Variants in METTL9 observed in about 807,000 individuals in gnomAD.
The protein encoded by METTL9 is protein-L-histidine N-pros-methyltransferase.
In METTL9, 10 loss-of-function variants were observed where a neutral mutation model predicts 36.0. That is an observed-to-expected ratio of 0.28 (90% CI 0.17 to 0.47). The LOEUF is 0.47. Ranked by LOEUF, METTL9 falls within the 20% of genes least tolerant of loss-of-function variation. The probability of loss-of-function intolerance (pLI) is 0.99; values close to 1 mark genes in which losing one functional copy is unlikely to be tolerated. For synonymous variants in METTL9, 175 were observed against 149.7 expected (o/e 1.17, Z -1.23); for missense variants, 246 against 383.5 (o/e 0.64, Z 3.00).
At position 21,627,012 on chromosome 16, in the gene METTL9, G is replaced by A. The variant is rs1443246177; in HGVS notation, c.751+1897G>A. ...GAAAACAAGCTCCTTGATTGTGGAT[G>A]TGCAGAGCTGCCTGTTGAGTCTGAG... is the stretch of plus-strand genomic sequence containing the variant. On this transcript the variant is annotated intron_variant, in intron 4 of 4. Transcript: ENST00000358154. 6.1e-6 allele frequency: 6 copies of A among 985,340 alleles called. No individual in the cohort carries two copies. In the African/African-American group the frequency reaches 8.7e-5, roughly 14 times the overall value. 61.0% of individuals were successfully genotyped at this position (985,340 alleles called of 1,614,324 possible).
At chr16:21,608,841 G>A (rs1303832604) in intron 1 of METTL9, among the ~76,000 whole-genome samples, 1 of 152,194 alleles carries the variant, frequency 6.6e-6, no homozygotes, top group Non-Finnish European at 1.5e-5. Context: ...CACACATGTA[G>A]TTCAGTTTAA....
intron 4 of METTL9, chr16:21,643,505 C>G (rs2141612996): frequency 7.9e-7 from 1 of 1,272,922 alleles, no homozygotes; most frequent in East Asian, 2.3e-5. Flanking sequence ...ATCGTTACAA[C>G]CAGCCACAAT....
intron 4 of METTL9, chr16:21,653,294 G>A (rs1966627445): frequency 6.6e-6 from 1 of 150,576 alleles, no homozygotes; most frequent in South Asian, 2.1e-4. Flanking sequence ...GTCTAGGCTA[G>A]TCCTGCCCTC....
In METTL9 at chr16:21,599,908, G is replaced by A; in HGVS notation, c.165+10G>A. The stretch of plus-strand genomic sequence containing the variant: ...GAAGGAGAACCACCAGGTACGGGCT[G>A]GGGCCGGGGCCGGGGCGGGGGCGTG... On this transcript the variant is annotated intron_variant, in intron 1 of 4. Transcript: ENST00000358154. This position sits in a 1 kb window ranked among gnomAD's most constrained non-coding sequence, Gnocchi z 4.4. 1 of 1,368,706 alleles carries A rather than the reference G, an allele frequency of 7.3e-7. No individual in the cohort carries two copies. The highest frequency in any genetic ancestry group is 9.4e-7 in the Non-Finnish European group (1 of 1,064,576). 84.8% of individuals were successfully genotyped at this position (1,368,706 alleles called of 1,614,324 possible). A position where few individuals can be genotyped will look rare whatever the true frequency, so the allele number is the denominator to read the frequency against.
intron 4 of METTL9, among the ~76,000 whole-genome samples, chr16:21,628,651 AC>A (rs1300101931): frequency 6.6e-6 from 1 of 151,554 alleles, no homozygotes; most frequent in Non-Finnish European, 1.5e-5. Flanking sequence ...ATACCACCAC[AC>A]CCATCTAACT....
chr16:21,628,774 A>G (rs226009), intron 4 of METTL9, among the ~76,000 whole-genome samples: 109,113 of 151,990 alleles, frequency 0.72, 39,703 homozygotes, highest in African/African-American at 0.84. Flanking sequence ...GGGATTATAG[A>G]TGTGAGCCAC....
chr16:21,597,314 T>C (rs1964969692), upstream of METTL9: 1 of 1,287,414 alleles, frequency 7.8e-7, no homozygotes, highest in African/African-American at 1.5e-5. Flanking sequence ...AGCTATTGAA[T>C]TTACTCTGCT....
chr16:21,624,621 G>A (rs1364297438), intron 3 of METTL9, among the ~76,000 whole-genome samples: 4 of 151,974 alleles, frequency 2.6e-5, no homozygotes, highest in Non-Finnish European at 4.4e-5. Flanking sequence ...CAGTTACTGG[G>A]GAGGCGGAGG....
chr16:21,619,777 G>C (rs1965649053), intron 3 of METTL9, among the ~76,000 whole-genome samples: 1 of 152,010 alleles, frequency 6.6e-6, no homozygotes, highest in African/African-American at 2.4e-5. Context: ...TATTGATTGG[G>C]AGATTTCTAT....
chr16:21,612,521 T>G (rs780110548), intron 1 of METTL9, 124 bp from the exon 2 acceptor site: 122 of 853,288 alleles, frequency 1.4e-4, no homozygotes, highest in Middle Eastern at 6.7e-4. Context: ...CAGAGTATCA[T>G]GAGATGGTAA....
intron 4 of METTL9, chr16:21,647,538 CTT>C (rs1966463951): frequency 1.9e-6 from 3 of 1,557,588 alleles, no homozygotes; most frequent in South Asian, 1.2e-5. Flanking sequence ...TGCCACCTCA[CTT>C]TGTGCTTTTA....
At chr16:21,617,361 T>C (rs1034804761) in intron 2 of METTL9, among the ~76,000 whole-genome samples, 18 of 147,962 alleles carry the variant, frequency 1.2e-4, no homozygotes, top group African/African-American at 4.3e-4. Context: ...GAGCTTGCAG[T>C]GAGCAGAGAT....
At chr16:21,628,555 G>C (rs1244513842) in intron 4 of METTL9, among the ~76,000 whole-genome samples, 1 of 151,956 alleles carries the variant, frequency 6.6e-6, no homozygotes, top group Non-Finnish European at 1.5e-5. Flanking sequence ...GTGCAGTGGT[G>C]CTGTCACAGC....
At chr16:21,652,665 G>T in intron 4 of METTL9, 1 of 1,277,864 alleles carries the variant, frequency 7.8e-7, no homozygotes, top group Non-Finnish European at 1.1e-6. Flanking sequence ...TTTTTCAGAA[G>T]GGAAGAAGAG....
At chr16:21,607,908 C>T (rs1965330135) in intron 1 of METTL9, among the ~76,000 whole-genome samples, 2 of 152,094 alleles carry the variant, frequency 1.3e-5, no homozygotes, top group Non-Finnish European at 2.9e-5. Flanking sequence ...TAGCACTTTG[C>T]GAGGCCGAGG....
chr16:21,608,996 A>G (rs1335623286), intron 1 of METTL9, among the ~76,000 whole-genome samples: 6 of 152,166 alleles, frequency 3.9e-5, no homozygotes, highest in Admixed American at 3.9e-4. Context: ...TAGGGACCCT[A>G]TGCTTCCCAT....
chr16:21,618,344 A>G (rs1965603816), intron 3 of METTL9, among the ~76,000 whole-genome samples: 1 of 151,768 alleles, frequency 6.6e-6, no homozygotes, highest in Non-Finnish European at 1.5e-5. Flanking sequence ...GGCATTCTCA[A>G]AAAAAATTTT....
chr16:21,649,046 A>G (rs901795620), intron 4 of METTL9, among the ~76,000 whole-genome samples: 1 of 152,028 alleles, frequency 6.6e-6, no homozygotes, highest in African/African-American at 2.4e-5. Context: ...GCTGGAGTGC[A>G]ATGGTGCAAT....
At position 21,601,464 on chromosome 16, in the gene METTL9, A is replaced by G. The variant is rs530515049; in HGVS notation, c.165+1566A>G. 7.9e-4 allele frequency among the ~76,000 whole-genome samples: 120 copies of G among 152,314 alleles called. 1 individual carries two copies. Among genetic ancestry groups the G allele is most frequent in the Middle Eastern group, 3.4e-3 (1 of 294 alleles). On this transcript the variant is annotated intron_variant, in intron 1 of 4. Transcript: ENST00000358154. ...TTGAGTCTCTTAGCTATTGGTATTT[A>G]TAACACTTATCATGATTACCCCTAC... is the stretch of plus-strand genomic sequence containing the variant.
Sources: gnomAD v4.1 joint callset for allele counts (sites outside exome capture counted in the v4.1 genomes callset) on GRCh38, gnomAD v4.1.1 for gene constraint, Gnocchi (gnomAD v3.1) non-coding constraint, MANE v1.5 for transcripts, NCBI Gene and HGNC (gene_info 2026-07-23, HGNC 2026-07-21) for gene names.